The following PLBD2 variants were observed in gnomAD, a reference collection of about 807,000 sequenced individuals.
PLBD2 encodes phospholipase B domain containing 2.
In PLBD2, 51 loss-of-function variants were observed where a neutral mutation model predicts 68.3. The observed-to-expected ratio is 0.75, with a 90% CI of 0.60 to 0.94. The LOEUF (loss-of-function observed/expected upper bound fraction) is 0.94, where lower values mean the gene tolerates loss of function less well. Among genes scored for constraint, PLBD2 ranks in the 40% least tolerant of loss-of-function variants. The pLI, the probability that PLBD2 is intolerant of heterozygous loss-of-function variation, is 0.00. For synonymous variants in PLBD2, 314 were observed against 339.3 expected (o/e 0.93, Z 0.82); for missense variants, 729 against 792.2 (o/e 0.92, Z 0.96).
chr12:113,385,242 G>A lies in PLBD2; in HGVS notation c.1245G>A (p.Ser415=). The A allele has an allele frequency of 6.2e-7, 1 of 1,614,098 alleles. No homozygotes were observed. Residue 415 remains serine, a synonymous_variant, in exon 9 of 12, where the codon TCG becomes TCA. Transcript: ENST00000280800. ...TGGTGGTGGTGGCTGACAAGACCTC[G>A]GAGCTCTACCAGAAGACCTACTGGG... ...PGMVVVADKT[S]ELYQKTYWAS... is the part of the protein sequence containing the mutation.
Position 113,387,099 on chromosome 12 carries a change from A to G in PLBD2, c.1439+10A>G. ...TGGTCAGGCTGATGAGGTAGGTGCC[A>G]GTTGGGTGGTGGGTTGGGGAGAGGG... is the stretch of plus-strand genomic sequence containing the variant. On this transcript the variant is annotated intron_variant, in intron 10 of 11. Coordinates refer to ENST00000280800, the MANE Select transcript of PLBD2 (RefSeq NM_173542.4). 1 of 1,568,324 alleles carries G rather than the reference A, an allele frequency of 6.4e-7. No homozygotes were observed. Among genetic ancestry groups the G allele is most frequent in the Non-Finnish European group, 8.6e-7 (1 of 1,157,478 alleles).
chr12:113,369,007 G>A lies in PLBD2; in HGVS notation c.291-109G>A, dbSNP rs556182899. 708 of 651,452 alleles carry A rather than the reference G, an allele frequency of 1.1e-3. 13 individuals are homozygous for A. In the South Asian group the frequency reaches 0.014, roughly 13 times the overall value. The allele number at this position is 651,452 out of a possible 1,614,324, so 40.4% of individuals were successfully genotyped here. A position where few individuals can be genotyped will look rare whatever the true frequency, so the allele number is the denominator to read the frequency against. Reference sequence around the variant, plus strand: ...CAAAGATGGACAGACAGACATTCACGTGCACGTCTACTGACCACTGTGTTG... The same window carrying A: ...CAAAGATGGACAGACAGACATTCACATGCACGTCTACTGACCACTGTGTTG... On this transcript the variant is annotated intron_variant, in intron 1 of 11. Coordinates refer to ENST00000280800, the MANE Select transcript of PLBD2 (RefSeq NM_173542.4).
chr12:113,371,471 C>T (rs568735270), intron 2 of PLBD2, among the ~76,000 whole-genome samples: 4 of 152,266 alleles, frequency 2.6e-5, no homozygotes, highest in Non-Finnish European at 4.4e-5. Context: ...CTCCTTCTGA[C>T]ACCCAGTCGC....
chr12:113,364,700 G>A (rs1316514404), intron 1 of PLBD2, among the ~76,000 whole-genome samples: 1 of 152,080 alleles, frequency 6.6e-6, no homozygotes, highest in African/African-American at 2.4e-5. Flanking sequence ...GGTCTCAAGT[G>A]ATCCTCCCAC....
At chr12:113,378,711 A>C (rs752132653) in intron 5 of PLBD2, among the ~76,000 whole-genome samples, 19 of 144,614 alleles carry the variant, frequency 1.3e-4, no homozygotes, top group Non-Finnish European at 1.5e-4. Context: ...TTTGAGACAG[A>C]GTCTCACTCT....
chr12:113,372,506 G>A lies in PLBD2; in HGVS notation c.385-143G>A, dbSNP rs1957397958. 1.1e-6 allele frequency: 1 copy of A among 890,550 alleles called. No homozygotes were observed. Among genetic ancestry groups the A allele is most frequent in the Non-Finnish European group, 1.7e-6 (1 of 583,210 alleles). 55.2% of individuals were successfully genotyped at this position (890,550 alleles called of 1,614,324 possible). ...GGGGCAGAGCTGGGCAGGGAGAGGA[G>A]CCTCCAGGGAGAGGACAGCATGAGC... On this transcript the variant is annotated intron_variant, in intron 2 of 11. Transcript: ENST00000280800. The surrounding 1 kb of genome is among the most constrained non-coding windows in gnomAD (Gnocchi z 4.2).
chr12:113,386,444 C>T (rs1957553528), intron 9 of PLBD2, among the ~76,000 whole-genome samples: 1 of 143,662 alleles, frequency 7.0e-6, no homozygotes, highest in South Asian at 2.2e-4. Context: ...ACCTCTGCTT[C>T]CCGGGTTCAA....
chr12:113,377,465 A>G (rs1203481053), intron 5 of PLBD2, among the ~76,000 whole-genome samples: 2 of 151,974 alleles, frequency 1.3e-5, no homozygotes, highest in African/African-American at 4.8e-5. Flanking sequence ...TTGCTCTGTC[A>G]CCCAGACTAG....
At chr12:113,375,431 T>A (rs1435585031) in intron 5 of PLBD2, among the ~76,000 whole-genome samples, 1 of 152,212 alleles carries the variant, frequency 6.6e-6, no homozygotes, top group Non-Finnish European at 1.5e-5. Context: ...TGATTACTTA[T>A]GTGAGCCACC....
chr12:113,390,261 T>TCCAC lies in PLBD2; in HGVS notation c.*1643_*1646dup, dbSNP rs765181910. On this transcript the variant is annotated 3_prime_UTR_variant, in exon 12 of 12. Coordinates refer to ENST00000280800, the MANE Select transcript of PLBD2 (RefSeq NM_173542.4). ...ACCCATCTGCCAACGCATCCATCCA[T>TCCAC]CCACCCACCCAATCATCTACCCACT... The TCCAC allele has an allele frequency of 4.1e-5, 6 of 146,522 alleles. No individual in the cohort carries two copies. In the East Asian group the frequency reaches 1.1e-3, roughly 27 times the overall value. 9.1% of individuals were successfully genotyped at this position (146,522 alleles called of 1,614,324 possible).
At chr12:113,359,705 G>A (rs1015064695) in intron 1 of PLBD2, among the ~76,000 whole-genome samples, 2 of 152,212 alleles carry the variant, frequency 1.3e-5, no homozygotes, top group African/African-American at 4.8e-5. Context: ...CTGTACAAGG[G>A]CTTGTGCCCA....
intron 3 of PLBD2, among the ~76,000 whole-genome samples, chr12:113,374,225 C>T (rs1473913654): frequency 6.6e-6 from 1 of 152,042 alleles, no homozygotes; most frequent in Non-Finnish European, 1.5e-5. Context: ...GAACTAGGCT[C>T]TTAAGTGGGG....
intron 5 of PLBD2, among the ~76,000 whole-genome samples, chr12:113,376,624 T>G (rs1957440282): frequency 6.6e-6 from 1 of 152,152 alleles, no homozygotes; most frequent in African/African-American, 2.4e-5. Flanking sequence ...AAACAACCAA[T>G]TGCAAGGATT....
At chr12:113,374,415 G>A (rs1957418379) in intron 3 of PLBD2, 59 bp from the exon 4 acceptor site, 2 of 1,164,224 alleles carry the variant, frequency 1.7e-6, no homozygotes, top group Non-Finnish European at 2.5e-6. Flanking sequence ...CGTTGAAGGA[G>A]AAGGTGTGAG....
rs146763258 is a variant in PLBD2, at chr12:113,370,679, T to C, written c.384+1470T>C. Among the ~76,000 whole-genome samples, 942 of 152,100 alleles carry C rather than the reference T, an allele frequency of 6.2e-3. 7 individuals are homozygous for C. The highest frequency in any genetic ancestry group is 0.02 in the Middle Eastern group (6 of 294). On this transcript the variant is annotated intron_variant, in intron 2 of 11. Coordinates refer to ENST00000280800, the MANE Select transcript of PLBD2 (RefSeq NM_173542.4). ...TTCAAGTAGAGATGGGGTTTTGCCA[T>C]GTTGGCCAGGCTGGTCTCAAACTCC...
Position 113,384,345 on chromosome 12 carries a change from G to A in PLBD2, c.1118+80G>A. On this transcript the variant is annotated intron_variant, in intron 7 of 11. Transcript: ENST00000280800. The surrounding 1 kb of genome is among the most constrained non-coding windows in gnomAD (Gnocchi z 4.2). ...CCCCTTTAACACTCACACTCCTGGG[G>A]ACCAGATGTGGCATCCGGGCCACAC... 6.7e-7 allele frequency: 1 copy of A among 1,499,118 alleles called. No individual in the cohort carries two copies. Among genetic ancestry groups the A allele is most frequent in the Non-Finnish European group, 9.0e-7 (1 of 1,113,958 alleles). 92.9% of individuals were successfully genotyped at this position (1,499,118 alleles called of 1,614,324 possible).
chr12:113,360,327 A>G (rs1208863570), intron 1 of PLBD2, among the ~76,000 whole-genome samples: 1 of 152,100 alleles, frequency 6.6e-6, no homozygotes, highest in East Asian at 1.9e-4. Context: ...TGACTCACTC[A>G]TGTTTTTGGC....
At chr12:113,386,839 A>G in intron 9 of PLBD2, 98 bp from the exon 10 acceptor site, 1 of 1,413,678 alleles carries the variant, frequency 7.1e-7, no homozygotes, top group Non-Finnish European at 9.5e-7. Context: ...AGTTGTAAGT[A>G]ATAATGTCCT....
intron 6 of PLBD2, among the ~76,000 whole-genome samples, chr12:113,383,775 C>T (rs368602912): frequency 1.3e-5 from 2 of 150,984 alleles, no homozygotes; most frequent in Admixed American, 1.3e-4. Context: ...CGGAGGTGGG[C>T]GGATCACTTG....
Sources: gnomAD v4.1 joint callset for allele counts (sites outside exome capture counted in the v4.1 genomes callset) on GRCh38, gnomAD v4.1.1 for gene constraint, Gnocchi (gnomAD v3.1) non-coding constraint, MANE v1.5 for transcripts, NCBI Gene and HGNC (gene_info 2026-07-23, HGNC 2026-07-21) for gene names.